C4orf50: variants seen among roughly 807,000 people sequenced by gnomAD.
The protein encoded by C4orf50 is chromosome 4 open reading frame 50.
Under a neutral mutation model 77.2 loss-of-function variants are expected in C4orf50, and 80 were observed. The ratio of observed to expected loss-of-function variants is 1.04; its 90% CI spans 0.87 to 1.25. The LOEUF (loss-of-function observed/expected upper bound fraction) is 1.25, where lower values mean the gene tolerates loss of function less well. Ranked by LOEUF, C4orf50 falls within the 50% of genes most tolerant of loss-of-function variation. C4orf50 has a pLI of 0.00. For synonymous variants in C4orf50, 532 were observed against 465.3 expected (o/e 1.14, Z -1.84); for missense variants, 1,257 against 1,152.9 (o/e 1.09, Z -1.31).
intron 30 of C4orf50, 85 bp downstream of exon 8, chr4:5,975,814 G>T: frequency 1.9e-6 from 2 of 1,069,406 alleles, no homozygotes; most frequent in Non-Finnish European, 2.9e-6. Context: ...TACAATAGAG[G>T]TGGATTACAT....
chr4:5,987,216 G>A (rs1038829419), intron 28 of C4orf50, among the ~76,000 whole-genome samples: 2 of 151,842 alleles, frequency 1.3e-5, no homozygotes, highest in African/African-American at 2.4e-5. Context: ...TTCGAGACCA[G>A]CCTGGGCAAC....
At chr4:5,987,412 CAAAA>C (rs58512584) in intron 28 of C4orf50, among the ~76,000 whole-genome samples, 2,188 of 33,334 alleles carry the variant, frequency 0.066, 12 homozygotes, top group African/African-American at 0.17. Context: ...CTCTGTCTCA[CAAAA>C]AAAAAAAAAA....
chr4:5,948,143 G>A (rs1400561576), intron 7 of C4orf50, among the ~76,000 whole-genome samples: 2 of 152,226 alleles, frequency 1.3e-5, no homozygotes. Context: ...AGAGCAGGCA[G>A]TTAGTAAATG....
At chr4:5,969,987 G>T (rs898790429) in intron 31 of C4orf50, among the ~76,000 whole-genome samples, 1 of 152,106 alleles carries the variant, frequency 6.6e-6, no homozygotes, top group African/African-American at 2.4e-5. Flanking sequence ...TGTGTCCCAG[G>T]TGAGCCCCGG....
chr4:5,923,907 G>A lies in C4orf50; in HGVS notation c.*2475-25719C>T, dbSNP rs529349841. 7.9e-5 allele frequency among the ~76,000 whole-genome samples: 12 copies of A among 152,206 alleles called. No individual in the cohort carries two copies. The South Asian group carries it at 1.0e-3, about 13-fold the overall frequency. ...GGGCACCATCTGATCAGCTGCCAGC[G>A]TCGCTAGAATAAAGCAGGCAGGAGA... On this transcript the variant is annotated intron_variant, in intron 7 of 7. Transcript: ENST00000324058.
Position 5,914,361 on chromosome 4 carries a change from T to C in C4orf50, c.*2475-16173A>G, listed in dbSNP as rs377306149. ...CTAGGACTATAGGCGCCTGCCACCA[T>C]GCCCAGCTAATTTTTTTTATTTTTA... On this transcript the variant is annotated intron_variant, in intron 7 of 7. Transcript: ENST00000324058. Among the ~76,000 whole-genome samples the C allele has an allele frequency of 1.4e-3, 207 of 152,120 alleles. 3 individuals are homozygous for C. The South Asian group carries it at 0.028, about 21-fold the overall frequency.
intron 7 of C4orf50, among the ~76,000 whole-genome samples, chr4:5,949,273 C>T (rs557307528): frequency 3.6e-4 from 55 of 152,316 alleles, no homozygotes; most frequent in African/African-American, 1.3e-3. Context: ...GATGAAAAGA[C>T]TTTAAAGACA....
At chr4:5,912,832 G>T (rs1290858007) in intron 7 of C4orf50, among the ~76,000 whole-genome samples, 1 of 152,198 alleles carries the variant, frequency 6.6e-6, no homozygotes, top group Non-Finnish European at 1.5e-5. Context: ...TGCATGCTCT[G>T]GGTTATATTT....
chr4:5,939,991 A>G (rs533915070), intron 7 of C4orf50, among the ~76,000 whole-genome samples: 7 of 152,356 alleles, frequency 4.6e-5, no homozygotes, highest in African/African-American at 1.7e-4. Flanking sequence ...GATCATGCTA[A>G]TGCTGCCATT....
At chr4:5,971,299 C>T (rs1719893648) in intron 31 of C4orf50, among the ~76,000 whole-genome samples, 1 of 152,184 alleles carries the variant, frequency 6.6e-6, no homozygotes, top group South Asian at 2.1e-4. Flanking sequence ...TCCTGCCTGG[C>T]TACCAGTAGG....
At chr4:5,917,916 G>A (rs903489842) in intron 7 of C4orf50, among the ~76,000 whole-genome samples, 3 of 152,054 alleles carry the variant, frequency 2.0e-5, no homozygotes, top group African/African-American at 7.2e-5. Flanking sequence ...GAGGTGGCGT[G>A]CAATTGGCAC....
chr4:5,953,524 T>C (rs1450165080), downstream of C4orf50, among the ~76,000 whole-genome samples: 8 of 152,120 alleles, frequency 5.3e-5, no homozygotes, highest in Non-Finnish European at 8.8e-5. Flanking sequence ...TATTTGGTGA[T>C]AAAAGGTAGG....
At chr4:5,999,722 G>A (rs1211408130) in intron 25 of C4orf50, among the ~76,000 whole-genome samples, 1 of 152,190 alleles carries the variant, frequency 6.6e-6, no homozygotes, top group Admixed American at 6.5e-5. Flanking sequence ...GGGCATCTGG[G>A]CACAGTGAAC....
chr4:5,928,095 C>T (rs1234984688), intron 7 of C4orf50, among the ~76,000 whole-genome samples: 2 of 152,142 alleles, frequency 1.3e-5, no homozygotes, highest in Non-Finnish European at 1.5e-5. Context: ...TATTAAGGAA[C>T]ATAATGTTTA....
chr4:5,991,060 A>C (rs1042003072), intron 27 of C4orf50, among the ~76,000 whole-genome samples: 1 of 152,106 alleles, frequency 6.6e-6, no homozygotes, highest in African/African-American at 2.4e-5. Context: ...CTCCATTCAC[A>C]TCTCAATGCA....
At chr4:5,912,891 C>T (rs1479431565) in intron 7 of C4orf50, among the ~76,000 whole-genome samples, 1 of 152,162 alleles carries the variant, frequency 6.6e-6, no homozygotes, top group Non-Finnish European at 1.5e-5. Flanking sequence ...TGACATGTGG[C>T]AGGGGAAATG....
chr4:6,004,262 ATGGTGGTGATGG>A lies in C4orf50; in HGVS notation c.963+3722_963+3733del, dbSNP rs1560598907. On this transcript the variant is annotated intron_variant, in intron 25 of 33. Coordinates refer to ENST00000531445, the Ensembl canonical transcript of C4orf50. ...GATGATGGTGATGATGGTGATGGTGATGGTGGTGATGGTGATGGTGATGTTGGTGATGATGGT... is the reference window on the plus strand; with the variant it reads ...GATGATGGTGATGATGGTGATGGTGATGATGGTGATGTTGGTGATGATGGT... Among the ~76,000 whole-genome samples the A allele has an allele frequency of 1.1e-3, 54 of 50,962 alleles. 2 individuals are homozygous for A. The highest frequency in any genetic ancestry group is 8.4e-3 in the East Asian group (5 of 592). 33.4% of individuals were successfully genotyped at this position (50,962 alleles called of 152,430 possible).
intron 7 of C4orf50, chr4:5,904,053 G>C (rs1179262545): frequency 5.3e-5 from 8 of 152,318 alleles, no homozygotes; most frequent in East Asian, 1.9e-4. Flanking sequence ...AGACACCCAT[G>C]GCCAACTCCA....
rs142066362 is a variant in C4orf50, at chr4:5,959,828, C to T, written c.4276-202G>A. Among the ~76,000 whole-genome samples, 523 of 152,334 alleles carry T rather than the reference C, an allele frequency of 3.4e-3. 6 individuals are homozygous for T. Among genetic ancestry groups the T allele is most frequent in the African/African-American group, 0.011 (452 of 41,582 alleles). On this transcript the variant is annotated intron_variant, in intron 33 of 33. Transcript: ENST00000531445. ...AGTGAGACACATGCTGTCATCACTG[C>T]GTTCTGGGTCAGAAAATGAGATTGG...
Sources: gnomAD v4.1 joint callset for allele counts (sites outside exome capture counted in the v4.1 genomes callset) on GRCh38, gnomAD v4.1.1 for gene constraint, MANE v1.5 for transcripts, NCBI Gene and HGNC (gene_info 2026-07-23, HGNC 2026-07-21) for gene names.